PDE4D: variants seen among roughly 807,000 people sequenced by gnomAD.
The protein encoded by PDE4D is 3',5'-cyclic-AMP phosphodiesterase 4D.
PDE4D carries 24 observed loss-of-function variants against 87.4 expected under a neutral mutation model. That is an observed-to-expected ratio of 0.27 (90% CI 0.20 to 0.39). PDE4D has a LOEUF of 0.39. Ranked by LOEUF, PDE4D falls within the 10% of genes least tolerant of loss-of-function variation. The pLI is 1.00. For synonymous variants in PDE4D, 384 were observed against 383.2 expected, an observed-to-expected ratio of 1.00 and a Z score of -0.02; for missense variants, 714 against 1,041.0, an observed-to-expected ratio of 0.69 and a Z score of 4.32.
chr5:59,729,084 G>A (rs1190173551), intron 1 of PDE4D, among the ~76,000 whole-genome samples: 1 of 152,060 alleles, frequency 6.6e-6, no homozygotes, highest in Non-Finnish European at 1.5e-5. Flanking sequence ...TGAAGAAACT[G>A]TTGACATCCT....
intron 1 of PDE4D, among the ~76,000 whole-genome samples, chr5:59,369,462 G>T (rs1232197972): frequency 6.6e-6 from 1 of 152,170 alleles, no homozygotes; most frequent in East Asian, 1.9e-4. Context: ...TGGAGAAGAG[G>T]CAGGAAGGCG....
intron 1 of PDE4D, among the ~76,000 whole-genome samples, chr5:60,228,716 AAAAAAACAAAAAAC>A (rs1249188554): frequency 6.6e-6 from 1 of 152,066 alleles, no homozygotes; most frequent in Non-Finnish European, 1.5e-5. Context: ...TAAACTACCA[AAAAAAACAAAAAAC>A]AAAAAACAAA....
chr5:59,646,023 A>G (rs1339750248), intron 1 of PDE4D, among the ~76,000 whole-genome samples: 1 of 152,228 alleles, frequency 6.6e-6, no homozygotes, highest in Non-Finnish European at 1.5e-5. Flanking sequence ...AAAACTACAG[A>G]GCCAAAAAAA....
chr5:59,431,504 G>T (rs932381816), intron 1 of PDE4D, among the ~76,000 whole-genome samples: 1 of 152,090 alleles, frequency 6.6e-6, no homozygotes, highest in Non-Finnish European at 1.5e-5. Context: ...TAAACATACA[G>T]TGTGCTGAAA....
In PDE4D at chr5:59,985,130, TG is replaced by T. The variant is rs147145326; in HGVS notation, c.272+3357del. 4.1e-3 allele frequency among the ~76,000 whole-genome samples: 446 copies of T among 109,004 alleles called. 117 individuals carry two copies. In the East Asian group the frequency reaches 0.06, roughly 15 times the overall value. The allele number at this position is 109,004 out of a possible 152,430, so 71.5% of individuals were successfully genotyped here. A position where few individuals can be genotyped will look rare whatever the true frequency, so the allele number is the denominator to read the frequency against. Reference sequence around the variant, plus strand: ...AGCCCGAACTTCACCTTTCGTTTTTTGTTTTTTGTTTTTTGTTTTTTATTTT... The same window carrying T: ...AGCCCGAACTTCACCTTTCGTTTTTTTTTTTTGTTTTTTGTTTTTTATTTT... On this transcript the variant is annotated intron_variant, in intron 3 of 16. Coordinates refer to the PDE4D transcript ENST00000502484.
At chr5:59,162,853 C>CAAAAA (rs368976708) in intron 5 of PDE4D, among the ~76,000 whole-genome samples, 2,461 of 121,564 alleles carry the variant, frequency 0.02, 105 homozygotes, top group African/African-American at 0.073. Flanking sequence ...GACCCTGCAT[C>CAAAAA]AAAAAAAAAA....
chr5:60,286,792 A>T (rs1304025808), intron 1 of PDE4D, among the ~76,000 whole-genome samples: 1 of 152,250 alleles, frequency 6.6e-6, no homozygotes, highest in Non-Finnish European at 1.5e-5. Flanking sequence ...TCAATGTGAA[A>T]TTGGGGTGAA....
At chr5:59,151,138 C>A (rs1779421921) in intron 5 of PDE4D, among the ~76,000 whole-genome samples, 1 of 152,074 alleles carries the variant, frequency 6.6e-6, no homozygotes, top group South Asian at 2.1e-4. Flanking sequence ...GGTAACCGAG[C>A]TGATCCAGTG....
In PDE4D at chr5:59,670,838, CT is replaced by C. The variant is rs879935008; in HGVS notation, c.455+222329del. On this transcript the variant is annotated intron_variant, in intron 1 of 14. Transcript: ENST00000340635. ...ATTATTATTCTCATGAGAGTTTTTA[CT>C]TTTTTTTTTTAAATAGATGGCGGTC... 6.8e-4 allele frequency among the ~76,000 whole-genome samples: 100 copies of C among 146,446 alleles called. 1 individual carries two copies. The highest frequency in any genetic ancestry group is 1.3e-3 in the Admixed American group (19 of 14,618).
intron 1 of PDE4D, among the ~76,000 whole-genome samples, chr5:59,459,528 C>G (rs1431187402): frequency 3.9e-5 from 6 of 152,116 alleles, no homozygotes; most frequent in African/African-American, 1.2e-4. Context: ...TAATATTACC[C>G]AGGTGAAGCT....
At chr5:60,215,227 T>C (rs1378169760) in intron 1 of PDE4D, among the ~76,000 whole-genome samples, 6 of 152,140 alleles carry the variant, frequency 3.9e-5, no homozygotes, top group Non-Finnish European at 8.8e-5. Flanking sequence ...ACATTTGGTA[T>C]CTGGTATATA....
chr5:60,457,107 C>T (rs923841589), intron 1 of PDE4D, among the ~76,000 whole-genome samples: 2 of 152,134 alleles, frequency 1.3e-5, no homozygotes, highest in African/African-American at 4.8e-5. Context: ...ACAGCCTGCT[C>T]GACTGAGAGA....
At chr5:59,450,590 C>T (rs142242219) in intron 1 of PDE4D, among the ~76,000 whole-genome samples, 223 of 152,336 alleles carry the variant, frequency 1.5e-3, no homozygotes, top group African/African-American at 5.0e-3. Context: ...AAATCACTTT[C>T]ATTTTCTGCA....
At chr5:59,271,393 T>C (rs1289013734) in intron 1 of PDE4D, among the ~76,000 whole-genome samples, 1 of 152,166 alleles carries the variant, frequency 6.6e-6, no homozygotes, top group East Asian at 1.9e-4. Context: ...AGAAATAGTA[T>C]TTACAGCTAT....
rs551952126 is a variant in PDE4D, at chr5:59,727,359, A to G, written c.455+165809T>C. Among the ~76,000 whole-genome samples, 194 of 152,224 alleles carry G rather than the reference A, an allele frequency of 1.3e-3. 1 individual carries two copies. The highest frequency in any genetic ancestry group is 4.5e-3 in the African/African-American group (188 of 41,566). ...GTTGATTTCTTAAAATCAGAAATAG[A>G]TTTTCCCAGCAATACGCCTCAGGGA... On this transcript the variant is annotated intron_variant, in intron 1 of 14. Transcript: ENST00000340635.
rs190836030 is a variant in PDE4D at position 60,315,165 on chromosome 5, C to A, written c.-89-129478G>T. On this transcript the variant is annotated intron_variant, in intron 1 of 16. Coordinates refer to the PDE4D transcript ENST00000502484. ...AGCACCTGTTGTTTCCTGACTTTTT[C>A]ATGATCACCATTCTAACTGGTGTGA... Among the ~76,000 whole-genome samples the A allele has an allele frequency of 8.2e-3, 1,241 of 152,194 alleles. 11 individuals are homozygous for A. The highest frequency in any genetic ancestry group is 0.028 in the African/African-American group (1,154 of 41,554).
At chr5:59,944,130 GTTAAC>G (rs2152800265) in intron 3 of PDE4D, among the ~76,000 whole-genome samples, 1 of 152,358 alleles carries the variant, frequency 6.6e-6, no homozygotes, top group East Asian at 1.9e-4. Context: ...CTAAGGAAGT[GTTAAC>G]TTAATGCCGT....
chr5:60,147,745 C>G, intron 2 of PDE4D: 1 of 455,454 alleles, frequency 2.2e-6, no homozygotes, highest in Non-Finnish European at 4.4e-6. Context: ...TCGAGTCACT[C>G]ACATGGTTGT....
intron 1 of PDE4D, among the ~76,000 whole-genome samples, chr5:59,528,008 C>T (rs1813474383): frequency 6.6e-6 from 1 of 152,146 alleles, no homozygotes; most frequent in Admixed American, 6.5e-5. Context: ...CAGCCATCAA[C>T]CACCATCCAG....
Sources: gnomAD v4.1 joint callset for allele counts (sites outside exome capture counted in the v4.1 genomes callset) on GRCh38, gnomAD v4.1.1 for gene constraint, MANE v1.5 for transcripts, NCBI Gene and HGNC (gene_info 2026-07-23, HGNC 2026-07-21) for gene names.